The following FTCDNL1 variants were observed in gnomAD, a reference collection of about 807,000 sequenced individuals.
FTCDNL1 encodes the protein formiminotransferase cyclodeaminase N-terminal like.
A neutral mutation model predicts 5.9 loss-of-function variants in FTCDNL1; 11 were observed. The ratio of observed to expected loss-of-function variants is 1.87; its 90% CI spans 1.18 to 3.10. The LOEUF (loss-of-function observed/expected upper bound fraction) is 3.10. FTCDNL1 is among the 30% of genes most tolerant of loss of function. FTCDNL1 has a pLI of 0.00. For synonymous variants in FTCDNL1, 58 were observed against 24.8 expected (o/e 2.34, Z -3.99); for missense variants, 115 against 65.5 (o/e 1.76, Z -2.61).
intron 3 of FTCDNL1, among the ~76,000 whole-genome samples, chr2:199,803,927 T>C (rs761048251): frequency 1.3e-5 from 2 of 152,236 alleles, no homozygotes; most frequent in African/African-American, 2.4e-5. Flanking sequence ...TAATAACTAA[T>C]ACTTAGTTGG....
chr2:199,712,446 T>C, the FTCDNL1 span, among the ~76,000 whole-genome samples: 1 of 152,206 alleles, frequency 6.6e-6, no homozygotes. Context: ...GCCTTCTACC[T>C]AGAATGTACT....
chr2:199,783,956 T>G (rs1699503687), intron 3 of FTCDNL1, among the ~76,000 whole-genome samples: 1 of 152,124 alleles, frequency 6.6e-6, no homozygotes, highest in Admixed American at 6.6e-5. Flanking sequence ...GATTCAAGAT[T>G]CAAGATGATA....
the FTCDNL1 span, among the ~76,000 whole-genome samples, chr2:199,738,602 C>T: frequency 1.3e-4 from 20 of 152,136 alleles, no homozygotes; most frequent in African/African-American, 4.6e-4. Context: ...CATGCTGAAA[C>T]AGAGGATTGT....
chr2:199,848,233 T>C (rs750494388), intron 2 of FTCDNL1, among the ~76,000 whole-genome samples: 6 of 152,248 alleles, frequency 3.9e-5, no homozygotes, highest in Non-Finnish European at 5.9e-5. Context: ...GTATCTTTCA[T>C]AGTAATACTG....
At chr2:199,742,306 C>T in the FTCDNL1 span, among the ~76,000 whole-genome samples, 4 of 152,150 alleles carry the variant, frequency 2.6e-5, no homozygotes, top group African/African-American at 9.7e-5. Flanking sequence ...CTGTGGGTAC[C>T]TCCCTCCATT....
At chr2:199,769,898 T>C (rs915725080) in intron 3 of FTCDNL1, among the ~76,000 whole-genome samples, 1 of 152,216 alleles carries the variant, frequency 6.6e-6, no homozygotes, top group Non-Finnish European at 1.5e-5. Context: ...GGAACCTGAC[T>C]GATTCAGCCT....
At chr2:199,797,585 A>G (rs1404188852) in intron 3 of FTCDNL1, among the ~76,000 whole-genome samples, 2 of 152,186 alleles carry the variant, frequency 1.3e-5, no homozygotes, top group African/African-American at 4.8e-5. Flanking sequence ...AAAGGAGGCA[A>G]CTCTAAGCTC....
intron 4 of FTCDNL1, among the ~76,000 whole-genome samples, chr2:199,818,197 A>G (rs1349227215): frequency 6.6e-6 from 1 of 152,198 alleles, no homozygotes; most frequent in Admixed American, 6.5e-5. Flanking sequence ...TTCAGTCTTT[A>G]GGGAGGCTCA....
chr2:199,673,403 A>C, the FTCDNL1 span, among the ~76,000 whole-genome samples: 111,401 of 150,710 alleles, frequency 0.74, 41,871 homozygotes, highest in South Asian at 0.9. Flanking sequence ...CCTTAAAATT[A>C]ATCATGAATA....
chr2:199,672,712 C>A, the FTCDNL1 span, among the ~76,000 whole-genome samples: 2 of 152,016 alleles, frequency 1.3e-5, no homozygotes, highest in African/African-American at 4.8e-5. Flanking sequence ...TCTAAGTGGT[C>A]TCTCTGCTTG....
At chr2:199,741,433 C>A in the FTCDNL1 span, among the ~76,000 whole-genome samples, 1 of 152,154 alleles carries the variant, frequency 6.6e-6, no homozygotes, top group Non-Finnish European at 1.5e-5. Flanking sequence ...CCACAAAGCA[C>A]CACCATGCTT....
the FTCDNL1 span, among the ~76,000 whole-genome samples, chr2:199,686,823 T>C: frequency 6.6e-6 from 1 of 152,166 alleles, no homozygotes; most frequent in African/African-American, 2.4e-5. Flanking sequence ...CCTATCCTAT[T>C]AACATAAAAA....
At chr2:199,693,227 A>C in the FTCDNL1 span, among the ~76,000 whole-genome samples, 2 of 152,364 alleles carry the variant, frequency 1.3e-5, no homozygotes, top group East Asian at 3.9e-4. Context: ...ATTTGTGTAC[A>C]TTAATCTGCC....
the FTCDNL1 span, among the ~76,000 whole-genome samples, chr2:199,740,788 G>A: frequency 6.6e-6 from 1 of 152,188 alleles, no homozygotes; most frequent in Admixed American, 6.5e-5. Flanking sequence ...ACGAAAGGGA[G>A]GTGGCAGTCC....
At chr2:199,763,009 A>G (rs957300841) in intron 3 of FTCDNL1, among the ~76,000 whole-genome samples, 2 of 152,218 alleles carry the variant, frequency 1.3e-5, no homozygotes, top group African/African-American at 4.8e-5. Flanking sequence ...TGCATGTTCA[A>G]TGCAGTCAAT....
chr2:199,677,086 T>A, the FTCDNL1 span, among the ~76,000 whole-genome samples: 1 of 152,150 alleles, frequency 6.6e-6, no homozygotes, highest in East Asian at 1.9e-4. Flanking sequence ...TGGAGAAGCG[T>A]GTTGAGGTAC....
At chr2:199,820,339 C>A (rs1701604606) in intron 3 of FTCDNL1, among the ~76,000 whole-genome samples, 1 of 152,038 alleles carries the variant, frequency 6.6e-6, no homozygotes, top group Non-Finnish European at 1.5e-5. Context: ...GGCAGTGGCT[C>A]ACACCTATAA....
the FTCDNL1 span, among the ~76,000 whole-genome samples, chr2:199,747,598 G>A: frequency 5.1e-5 from 7 of 136,696 alleles, no homozygotes; most frequent in Admixed American, 4.4e-4. Flanking sequence ...AAAGAAATAT[G>A]TCTTTTCTCT....
At chr2:199,817,187 C>T (rs1477419204) in intron 4 of FTCDNL1, among the ~76,000 whole-genome samples, 2 of 152,132 alleles carry the variant, frequency 1.3e-5, no homozygotes, top group Non-Finnish European at 2.9e-5. Context: ...TGTACATATA[C>T]CTTTTACTAT....
Sources: allele counts gnomAD v4.1 joint callset (sites outside exome capture counted in the v4.1 genomes callset), GRCh38; gene constraint gnomAD v4.1.1; transcripts MANE v1.5; gene names NCBI Gene and HGNC (gene_info 2026-07-23, HGNC 2026-07-21).